Variants in YWHAG observed in about 807,000 individuals in gnomAD.
YWHAG encodes tyrosine 3-monooxygenase/tryptophan 5-monooxygenase activation protein gamma.
YWHAG carries 1 observed loss-of-function variant against 23.3 expected under a neutral mutation model. That is an observed-to-expected ratio of 0.04 (90% CI 0.02 to 0.20). YWHAG has a LOEUF of 0.20. Among genes scored for constraint, YWHAG ranks in the 10% least tolerant of loss-of-function variants. The pLI, the probability that YWHAG is intolerant of heterozygous loss-of-function variation, is 1.00. For synonymous variants in YWHAG, 160 were observed against 144.0 expected, an observed-to-expected ratio of 1.11 and a Z score of -0.80; for missense variants, 151 against 338.6, an observed-to-expected ratio of 0.45 and a Z score of 4.35.
In YWHAG at chr7:76,336,579, A is replaced by G. The variant is rs541126030; in HGVS notation, c.88-6346T>C. Among the ~76,000 whole-genome samples, 49 of 150,472 alleles carry G rather than the reference A, an allele frequency of 3.3e-4. 4 individuals are homozygous for G. In the East Asian group the frequency reaches 9.6e-3, roughly 29 times the overall value. On this transcript the variant is annotated intron_variant, in intron 1 of 1. Transcript: ENST00000307630. ...AAGTGATTCTCGTGCCTCAGCCTCC[A>G]AAGTAGCTGGGATTACAGGCACCCA...
At chr7:76,356,087 C>G (rs1803951417) in intron 1 of YWHAG, among the ~76,000 whole-genome samples, 1 of 152,208 alleles carries the variant, frequency 6.6e-6, no homozygotes, top group African/African-American at 2.4e-5. Context: ...TTTCATTAAA[C>G]TCAAATAAAT....
In YWHAG at chr7:76,329,509, C is replaced by CCCCA; in HGVS notation, c.*67_*68insTGGG. The stretch of plus-strand genomic sequence containing the variant: ...CCCTTTCCCTCCCCCACCCGACCCC[C>CCCCA]AACTCATGGGAAAAAAATAAAGACT... On this transcript the variant is annotated 3_prime_UTR_variant, in exon 2 of 2. Coordinates refer to ENST00000307630, the MANE Select transcript of YWHAG (RefSeq NM_012479.4). The surrounding 1 kb of genome is among the most constrained non-coding windows in gnomAD (Gnocchi z 6.1). The CCCCA allele has an allele frequency of 4.2e-6, 6 of 1,421,522 alleles. No individual in the cohort carries two copies. The highest frequency in any genetic ancestry group is 2.6e-5 in the East Asian group (1 of 38,314). 88.1% of individuals were successfully genotyped at this position (1,421,522 alleles called of 1,614,324 possible).
intron 1 of YWHAG, among the ~76,000 whole-genome samples, chr7:76,348,477 A>G (rs1468549510): frequency 6.9e-6 from 1 of 145,274 alleles, no homozygotes; most frequent in Non-Finnish European, 1.5e-5. Flanking sequence ...GCTGGAGTGC[A>G]GTGCAAGCTG....
At chr7:76,332,567 C>G (rs548946674) in intron 1 of YWHAG, among the ~76,000 whole-genome samples, 37 of 152,280 alleles carry the variant, frequency 2.4e-4, no homozygotes, top group African/African-American at 8.7e-4. Flanking sequence ...GTTTCCCAAG[C>G]TGAAGTGCAG....
At chr7:76,338,928 C>A (rs1803653081) in intron 1 of YWHAG, among the ~76,000 whole-genome samples, 1 of 152,186 alleles carries the variant, frequency 6.6e-6, no homozygotes, top group African/African-American at 2.4e-5. Flanking sequence ...ACCAGACTGG[C>A]TGGGAAGCAG....
chr7:76,358,570 G>T, intron 1 of YWHAG, 152 bp downstream of exon 1: 1 of 694,056 alleles, frequency 1.4e-6, no homozygotes, highest in Non-Finnish European at 2.2e-6. Context: ...GGTTCCCGTC[G>T]CCTCTCGGGA....
At chr7:76,358,692 G>A in intron 1 of YWHAG, 30 bp downstream of exon 1, 4 of 1,538,768 alleles carry the variant, frequency 2.6e-6, no homozygotes, top group Non-Finnish European at 3.5e-6. Flanking sequence ...GAGGGGCAGG[G>A]AGCGGCGGGG....
At chr7:76,358,577 G>C in intron 1 of YWHAG, 145 bp downstream of exon 1, 2 of 775,726 alleles carry the variant, frequency 2.6e-6, no homozygotes, top group South Asian at 2.5e-5. Flanking sequence ...GTCGCCTCTC[G>C]GGACCCTCCC....
intron 1 of YWHAG, among the ~76,000 whole-genome samples, chr7:76,355,110 CTT>C (rs750960738): frequency 1.1e-4 from 16 of 152,190 alleles, no homozygotes; most frequent in Admixed American, 5.2e-4. Context: ...AAAATAACCA[CTT>C]TCTCTCTTCT....
Position 76,358,952 on chromosome 7 carries a change from G to C in YWHAG, c.-144C>G, listed in dbSNP as rs927577103. ...AGGCGGCGGCTGCGCGGAGGAGGCGGCTGGAGCTGCGACCGCGGGACCGGG... is the reference window on the plus strand; with the variant it reads ...AGGCGGCGGCTGCGCGGAGGAGGCGCCTGGAGCTGCGACCGCGGGACCGGG... On this transcript the variant is annotated 5_prime_UTR_variant, in exon 1 of 2. Coordinates refer to ENST00000307630, the MANE Select transcript of YWHAG (RefSeq NM_012479.4). 2 of 693,070 alleles carry C rather than the reference G, an allele frequency of 2.9e-6. No homozygotes were observed. The highest frequency in any genetic ancestry group is 1.9e-5 in the African/African-American group (1 of 53,140). 42.9% of individuals were successfully genotyped at this position (693,070 alleles called of 1,614,324 possible).
In YWHAG at chr7:76,329,595, G is replaced by C. The variant is rs73703133; in HGVS notation, c.726C>G (p.Gly242=). ...LWTSDQQDDD[G]GEGNN ...TGGGGCCTTAATTGTTGCCTTCGCC[G>C]CCATCGTCGTCCTGCTGGTCGCTCG... Residue 242 remains glycine, a synonymous_variant, in exon 2 of 2, where the codon GGC becomes GGG. Coordinates refer to ENST00000307630, the MANE Select transcript of YWHAG (RefSeq NM_012479.4). The surrounding 1 kb of genome is among the most constrained non-coding windows in gnomAD (Gnocchi z 6.1). 1.2e-6 allele frequency: 2 copies of C among 1,606,706 alleles called. No individual in the cohort carries two copies. Among genetic ancestry groups the C allele is most frequent in the Non-Finnish European group, 1.7e-6 (2 of 1,174,516 alleles).
At chr7:76,336,299 C>T (rs1192483326) in intron 1 of YWHAG, among the ~76,000 whole-genome samples, 1 of 152,080 alleles carries the variant, frequency 6.6e-6, no homozygotes, top group African/African-American at 2.4e-5. Context: ...AACTGTGGAC[C>T]TTGGGTGATA....
chr7:76,328,335 G>C lies in YWHAG; in HGVS notation c.*1242C>G, dbSNP rs995081512. 1.3e-5 allele frequency: 2 copies of C among 152,212 alleles called. No homozygotes were observed. Among genetic ancestry groups the C allele is most frequent in the African/African-American group, 4.8e-5 (2 of 41,442 alleles). The allele number at this position is 152,212 out of a possible 1,614,324, so 9.4% of individuals were successfully genotyped here. The stretch of plus-strand genomic sequence containing the variant: ...CTGGTCAAATAGGAGTTCAGTGTTT[G>C]TTATCTGGTAACAGTTTTTTTATCT... On this transcript the variant is annotated 3_prime_UTR_variant, in exon 2 of 2. Coordinates refer to ENST00000307630, the MANE Select transcript of YWHAG (RefSeq NM_012479.4).
At chr7:76,348,000 T>C (rs1295160516) in intron 1 of YWHAG, among the ~76,000 whole-genome samples, 2 of 152,246 alleles carry the variant, frequency 1.3e-5, no homozygotes, top group African/African-American at 4.8e-5. Flanking sequence ...TACACTTGTA[T>C]TGAGTAATAC....
At chr7:76,350,289 G>C (rs1322272879) in intron 1 of YWHAG, among the ~76,000 whole-genome samples, 1 of 152,158 alleles carries the variant, frequency 6.6e-6, no homozygotes, top group African/African-American at 2.4e-5. Context: ...GGTGCCTTTT[G>C]AATTCTGAAA....
Position 76,339,373 on chromosome 7 carries a change from G to C in YWHAG, c.88-9140C>G, listed in dbSNP as rs149067157. On this transcript the variant is annotated intron_variant, in intron 1 of 1. Coordinates refer to ENST00000307630, the MANE Select transcript of YWHAG (RefSeq NM_012479.4). ...TAATCCCAGCTACTCGGGAGGCGGAGACAGGAGAACTGCTTGAACCCGGGA... is the reference window on the plus strand; with the variant it reads ...TAATCCCAGCTACTCGGGAGGCGGACACAGGAGAACTGCTTGAACCCGGGA... 1.5e-3 allele frequency among the ~76,000 whole-genome samples: 226 copies of C among 152,260 alleles called. 6 individuals are homozygous for C. In the East Asian group the frequency reaches 0.04, roughly 27 times the overall value.
chr7:76,351,194 T>C (rs902743375), intron 1 of YWHAG, among the ~76,000 whole-genome samples: 2 of 152,200 alleles, frequency 1.3e-5, no homozygotes, highest in African/African-American at 4.8e-5. Context: ...TTGTCTTCAG[T>C]AGTCAATCCC....
chr7:76,347,100 G>T (rs988640962), intron 1 of YWHAG, among the ~76,000 whole-genome samples: 1 of 152,026 alleles, frequency 6.6e-6, no homozygotes, highest in Non-Finnish European at 1.5e-5. Context: ...AACCCTCCCT[G>T]ACGACCAGTG....
At chr7:76,351,024 A>G (rs1376451884) in intron 1 of YWHAG, among the ~76,000 whole-genome samples, 3 of 152,234 alleles carry the variant, frequency 2.0e-5, no homozygotes, top group Admixed American at 1.3e-4. Context: ...TAATGACAGA[A>G]TATCATTGAA....
Sources: allele counts gnomAD v4.1 joint callset (sites outside exome capture counted in the v4.1 genomes callset), GRCh38; gene constraint gnomAD v4.1.1; non-coding constraint Gnocchi (gnomAD v3.1); transcripts MANE v1.5; gene names NCBI Gene and HGNC (gene_info 2026-07-23, HGNC 2026-07-21).